TRPC4AP: variants seen among roughly 807,000 people sequenced by gnomAD.
The protein encoded by TRPC4AP is transient receptor potential cation channel subfamily C member 4 associated protein, also known as short transient receptor potential channel 4-associated protein.
TRPC4AP carries 45 observed loss-of-function variants against 99.0 expected under a neutral mutation model. The ratio of observed to expected loss-of-function variants is 0.45; its 90% CI spans 0.36 to 0.58. TRPC4AP has a LOEUF of 0.58. Among genes scored for constraint, TRPC4AP ranks in the 20% least tolerant of loss-of-function variants. TRPC4AP has a pLI of 0.00. For missense variants in TRPC4AP, 879 were observed against 985.3 expected (o/e 0.89, Z 1.44); for synonymous variants, 408 against 385.8 (o/e 1.06, Z -0.67).
In TRPC4AP at chr20:35,003,075, G is replaced by A; in HGVS notation, c.*71C>T. On this transcript the variant is annotated 3_prime_UTR_variant, in exon 19 of 19. Transcript: ENST00000252015. ...GAGCAGCAGGGAGGAACGGGAACAG[G>A]GCAGGGCGTGTGGCATCGTACCCAC... The A allele has an allele frequency of 1.3e-6, 2 of 1,590,228 alleles. No individual in the cohort carries two copies. Among genetic ancestry groups the A allele is most frequent in the Non-Finnish European group, 1.7e-6 (2 of 1,167,128 alleles).
At chr20:35,047,224 C>A (rs1430889498) in intron 6 of TRPC4AP, among the ~76,000 whole-genome samples, 2 of 152,296 alleles carry the variant, frequency 1.3e-5, no homozygotes, top group Non-Finnish European at 1.5e-5. Context: ...TGCAGCACAA[C>A]AAAATGACTA....
At chr20:35,021,130 A>G in intron 9 of TRPC4AP, 60 bp downstream of exon 9, 2 of 1,570,748 alleles carry the variant, frequency 1.3e-6, no homozygotes, top group Non-Finnish European at 1.7e-6. Flanking sequence ...CACCTGGCAT[A>G]CCATGAGCAC....
At chr20:35,059,665 G>T (rs956233518) in intron 3 of TRPC4AP, among the ~76,000 whole-genome samples, 2 of 120,710 alleles carry the variant, frequency 1.7e-5, no homozygotes, top group East Asian at 5.9e-4. Flanking sequence ...CTCTTTAAAA[G>T]AAAAAAAAGA....
rs1467622640 is a variant in TRPC4AP at position 35,078,097 on chromosome 20, G to A, written c.246C>T (p.His82=). The A allele has an allele frequency of 1.2e-6, 2 of 1,613,914 alleles. No individual in the cohort carries two copies. Among genetic ancestry groups the A allele is most frequent in the Admixed American group, 1.7e-5 (1 of 60,004 alleles). ...AGTCACTGTGGAGGTGGCTGGTGGT[G>A]TGCAGCTTGAGGAGCAGCTGAGGAA... ...SGIPQLLLKL[H]TTSHLHSDFV... The change falls in exon 2 of 19, where the codon CAC becomes CAT. Residue 82 remains histidine (H), a synonymous_variant. Transcript: ENST00000252015.
intron 8 of TRPC4AP, among the ~76,000 whole-genome samples, chr20:35,034,277 C>T (rs1171217869): frequency 6.6e-6 from 1 of 152,082 alleles, no homozygotes; most frequent in African/African-American, 2.4e-5. Flanking sequence ...AACTGCCTCT[C>T]TCTGTGGGCA....
At chr20:35,042,693 A>G (rs1325453644) in intron 7 of TRPC4AP, among the ~76,000 whole-genome samples, 1 of 152,240 alleles carries the variant, frequency 6.6e-6, no homozygotes, top group African/African-American at 2.4e-5. Context: ...AATATGAATT[A>G]TCTACACTCT....
chr20:35,046,295 T>A (rs755272374), intron 6 of TRPC4AP, among the ~76,000 whole-genome samples: 1 of 152,192 alleles, frequency 6.6e-6, no homozygotes, highest in Non-Finnish European at 1.5e-5. Flanking sequence ...TTGGTTCTAT[T>A]CTCACTCATT....
At position 35,008,718 on chromosome 20, in the gene TRPC4AP, A is replaced by G; in HGVS notation, c.1541T>C (p.Leu514Ser). ...RSLVCDGKRG[L>S]LTRLLQVMKK... ...CATGACCTGCAGCAGACGAGTTAAT[A>G]AGCCCCTCTTCCCATCACACACCAA... Residue 514 changes from leucine to serine, a missense_variant, in exon 13 of 19, where the codon TTA becomes TCA. Coordinates refer to ENST00000252015, the MANE Select transcript of TRPC4AP (RefSeq NM_015638.3). 6.2e-7 allele frequency: 1 copy of G among 1,613,986 alleles called. No homozygotes were observed. Among genetic ancestry groups the G allele is most frequent in the Non-Finnish European group, 8.5e-7 (1 of 1,179,944 alleles).
intron 1 of TRPC4AP, among the ~76,000 whole-genome samples, chr20:35,086,976 T>C (rs1459511684): frequency 1.3e-5 from 2 of 150,674 alleles, no homozygotes; most frequent in East Asian, 3.9e-4. Flanking sequence ...GAGGTTGCAG[T>C]GAGCCGAGAC....
chr20:35,050,935 C>T (rs1014147332), intron 5 of TRPC4AP, among the ~76,000 whole-genome samples: 1 of 151,702 alleles, frequency 6.6e-6, no homozygotes, highest in African/African-American at 2.4e-5. Flanking sequence ...AGTGTGAGGC[C>T]GCAGTGAGCT....
At chr20:35,054,034 T>C (rs2083765343) in intron 5 of TRPC4AP, among the ~76,000 whole-genome samples, 1 of 152,228 alleles carries the variant, frequency 6.6e-6, no homozygotes, top group African/African-American at 2.4e-5. Flanking sequence ...TTCATTTTTA[T>C]ATCAGCCCAA....
At chr20:35,007,206 T>C (rs1042654511) in intron 14 of TRPC4AP, among the ~76,000 whole-genome samples, 2 of 152,264 alleles carry the variant, frequency 1.3e-5, no homozygotes, top group Non-Finnish European at 2.9e-5. Flanking sequence ...ATTATAACTT[T>C]GGCCATTCTG....
intron 3 of TRPC4AP, among the ~76,000 whole-genome samples, chr20:35,067,597 CA>C (rs1378090092): frequency 6.6e-6 from 1 of 152,000 alleles, no homozygotes; most frequent in Non-Finnish European, 1.5e-5. Context: ...TTCATAATAG[CA>C]AAAAGACGGA....
At chr20:35,018,817 C>T (rs2082817581) in intron 9 of TRPC4AP, among the ~76,000 whole-genome samples, 1 of 152,092 alleles carries the variant, frequency 6.6e-6, no homozygotes, top group African/African-American at 2.4e-5. Flanking sequence ...TTTATCTCTG[C>T]AGTCAGACAG....
At chr20:35,011,942 G>C (rs1057308147) in intron 11 of TRPC4AP, among the ~76,000 whole-genome samples, 1 of 152,136 alleles carries the variant, frequency 6.6e-6, no homozygotes, top group Non-Finnish European at 1.5e-5. Flanking sequence ...AATGCTCAAC[G>C]GTGGAATCCT....
intron 3 of TRPC4AP, among the ~76,000 whole-genome samples, chr20:35,064,715 T>C (rs953081294): frequency 1.3e-5 from 2 of 152,224 alleles, no homozygotes; most frequent in African/African-American, 4.8e-5. Context: ...CTTTGTATAA[T>C]AGAGACCTAA....
intron 5 of TRPC4AP, among the ~76,000 whole-genome samples, chr20:35,053,680 C>A (rs1159824923): frequency 6.6e-6 from 1 of 152,192 alleles, no homozygotes; most frequent in Non-Finnish European, 1.5e-5. Context: ...AACACACACA[C>A]ACATTGGATT....
Position 35,078,138 on chromosome 20 carries a change from A to G in TRPC4AP, c.205T>C (p.Ser69Pro). The G allele has an allele frequency of 6.2e-7, 1 of 1,613,988 alleles. No individual in the cohort carries two copies. The highest frequency in any genetic ancestry group is 1.3e-5 in the African/African-American group (1 of 75,022). ...ETFLTERDKQ[S>P]KWSGIPQLLL... ...AGCTGAGGAATTCCACTCCACTTGG[A>G]TTGTTTGTCCCTCTCCGTCAAAAAA... The change falls in exon 2 of 19, where the codon TCC becomes CCC. Residue 69 changes from serine (S) to proline (P), a missense_variant. Transcript: ENST00000252015.
intron 1 of TRPC4AP, among the ~76,000 whole-genome samples, chr20:35,090,961 C>G (rs1442707713): frequency 6.6e-6 from 1 of 151,986 alleles, no homozygotes; most frequent in Non-Finnish European, 1.5e-5. Context: ...TATGTGCTCA[C>G]TAAAAGTTAG....
Sources: gnomAD v4.1 joint callset for allele counts (sites outside exome capture counted in the v4.1 genomes callset) on GRCh38, gnomAD v4.1.1 for gene constraint, MANE v1.5 for transcripts, NCBI Gene and HGNC (gene_info 2026-07-23, HGNC 2026-07-21) for gene names.